GRAMD1C: variants seen among roughly 807,000 people sequenced by gnomAD.
GRAMD1C encodes the protein GRAM domain containing 1C.
A neutral mutation model predicts 97.8 loss-of-function variants in GRAMD1C; 89 were observed. That is an observed-to-expected ratio of 0.91 (90% CI 0.77 to 1.09). GRAMD1C has a LOEUF of 1.09. Among genes scored for constraint, GRAMD1C ranks in the 50% least tolerant of loss-of-function variants. The pLI, the probability that GRAMD1C is intolerant of heterozygous loss-of-function variation, is 0.00. For synonymous variants in GRAMD1C, 256 were observed against 267.0 expected, an observed-to-expected ratio of 0.96 and a Z score of 0.40; for missense variants, 740 against 766.4, an observed-to-expected ratio of 0.97 and a Z score of 0.41.
rs377521769 is a variant in GRAMD1C, at chr3:113,916,823, TAAG to T, written c.1090+991_1090+993del. On this transcript the variant is annotated intron_variant, in intron 10 of 17. Coordinates refer to ENST00000358160, the MANE Select transcript of GRAMD1C (RefSeq NM_017577.5). ...TTGGAAATTAATGGTTAAATCCTCA[TAAG>T]AAGAATTTCATTGATTATGTGTTAA... Among the ~76,000 whole-genome samples, 606 of 152,312 alleles carry T rather than the reference TAAG, an allele frequency of 4.0e-3. 14 individuals are homozygous for T. Among genetic ancestry groups the T allele is most frequent in the South Asian group, 0.034 (163 of 4,828 alleles).
At chr3:113,922,324 C>T (rs769055757) in intron 10 of GRAMD1C, among the ~76,000 whole-genome samples, 2 of 152,186 alleles carry the variant, frequency 1.3e-5, no homozygotes, top group African/African-American at 2.4e-5. Context: ...CTGCCTGCCT[C>T]AGCCTCCTAG....
intron 2 of GRAMD1C, among the ~76,000 whole-genome samples, chr3:113,854,626 C>T (rs1934046634): frequency 6.6e-6 from 1 of 152,036 alleles, no homozygotes; most frequent in Admixed American, 6.6e-5. Flanking sequence ...GACTGTTGTC[C>T]TAATCTTCCT....
At chr3:113,847,842 A>G (rs977153326) in intron 2 of GRAMD1C, among the ~76,000 whole-genome samples, 19 of 149,662 alleles carry the variant, frequency 1.3e-4, no homozygotes, top group African/African-American at 4.5e-4. Context: ...AAAATAAAAC[A>G]AAACACAAGG....
At chr3:113,883,313 C>G (rs1267543548) in intron 6 of GRAMD1C, among the ~76,000 whole-genome samples, 1 of 151,960 alleles carries the variant, frequency 6.6e-6, no homozygotes, top group Non-Finnish European at 1.5e-5. Flanking sequence ...TTGCTTGAGC[C>G]CAAGAGTTTG....
At chr3:113,936,468 T>G (rs541042851) in intron 14 of GRAMD1C, 26 bp downstream of exon 14, 1 of 1,483,040 alleles carries the variant, frequency 6.7e-7, no homozygotes, top group Non-Finnish European at 9.3e-7. Flanking sequence ...TAAACAGAGA[T>G]GAAAGATTTT....
Position 113,887,094 on chromosome 3 carries a change from T to TG in GRAMD1C, c.540+4262_540+4263insG, listed in dbSNP as rs1386927953. Among the ~76,000 whole-genome samples the TG allele has an allele frequency of 4.1e-3, 497 of 121,630 alleles. 3 individuals carry two copies. The highest frequency in any genetic ancestry group is 0.015 in the African/African-American group (480 of 31,624). The allele number at this position is 121,630 out of a possible 152,430, so 79.8% of individuals were successfully genotyped here. On this transcript the variant is annotated intron_variant, in intron 6 of 17. Coordinates refer to ENST00000358160, the MANE Select transcript of GRAMD1C (RefSeq NM_017577.5). ...TGCGCCTGGCCTTTTTGTTTTTTTT[T>TG]TGTTTTTTTTTTTTTTTGAGATAGA...
intron 10 of GRAMD1C, chr3:113,919,636 A>G (rs758714612): frequency 7.7e-6 from 5 of 645,352 alleles, no homozygotes; most frequent in Non-Finnish European, 1.1e-5. Flanking sequence ...TAGTGAGAAG[A>G]CTGACAGATT....
upstream of GRAMD1C, among the ~76,000 whole-genome samples, chr3:113,837,541 A>G (rs941205993): frequency 6.6e-6 from 1 of 152,164 alleles, no homozygotes; most frequent in African/African-American, 2.4e-5. Context: ...AGAAGGAGGA[A>G]CTTTCAGGTC....
rs188625830 is a variant in GRAMD1C at position 113,881,551 on chromosome 3, C to T, written c.460-1201C>T. On this transcript the variant is annotated intron_variant, in intron 5 of 17. Coordinates refer to ENST00000358160, the MANE Select transcript of GRAMD1C (RefSeq NM_017577.5). ...TATGTAGATTATCCAGAAAGCTGGG[C>T]GTTTTAAGGAGTTGGGAATGTGGTG... Among the ~76,000 whole-genome samples, 24 of 152,238 alleles carry T rather than the reference C, an allele frequency of 1.6e-4. 1 individual carries two copies. The highest frequency in any genetic ancestry group is 6.8e-3 in the Middle Eastern group (2 of 294).
At chr3:113,893,637 A>G (rs1176856142) in intron 6 of GRAMD1C, among the ~76,000 whole-genome samples, 2 of 152,228 alleles carry the variant, frequency 1.3e-5, no homozygotes, top group African/African-American at 4.8e-5. Flanking sequence ...TGACAAGTTC[A>G]GTCTTTACCA....
intron 1 of GRAMD1C, among the ~76,000 whole-genome samples, chr3:113,842,908 A>G (rs565175285): frequency 6.5e-4 from 99 of 151,774 alleles, no homozygotes; most frequent in African/African-American, 2.4e-3. Flanking sequence ...GGTTGCAGTG[A>G]GCCGAGATCA....
intron 6 of GRAMD1C, among the ~76,000 whole-genome samples, chr3:113,884,413 AAAC>A (rs1379230089): frequency 1.3e-5 from 2 of 152,238 alleles, no homozygotes; most frequent in African/African-American, 2.4e-5. Flanking sequence ...GGTTAGATGA[AAAC>A]AACAACAAAA....
chr3:113,882,565 G>T lies in GRAMD1C; in HGVS notation c.460-187G>T, dbSNP rs917390577. Among the ~76,000 whole-genome samples, 5 of 152,182 alleles carry T rather than the reference G, an allele frequency of 3.3e-5. 1 individual carries two copies. In the South Asian group the frequency reaches 1.0e-3, roughly 32 times the overall value. ...AAGATAAAATTAGTAAAGACACCTT[G>T]TTCATATAGCAACTACCCGTGTTTC... On this transcript the variant is annotated intron_variant, in intron 5 of 17. Transcript: ENST00000358160.
chr3:113,843,618 A>T (rs1226183350), intron 1 of GRAMD1C, among the ~76,000 whole-genome samples: 1 of 151,368 alleles, frequency 6.6e-6, no homozygotes, highest in Non-Finnish European at 1.5e-5. Flanking sequence ...AGCTGGGACT[A>T]CAGGCCACCA....
chr3:113,892,091 A>G (rs2107426862), intron 6 of GRAMD1C, among the ~76,000 whole-genome samples: 1 of 152,092 alleles, frequency 6.6e-6, no homozygotes, highest in East Asian at 1.9e-4. Flanking sequence ...TTTCCAGTAA[A>G]ATAAATCCAC....
intron 8 of GRAMD1C, among the ~76,000 whole-genome samples, chr3:113,908,117 T>C (rs1380442815): frequency 6.6e-6 from 1 of 152,192 alleles, no homozygotes; most frequent in African/African-American, 2.4e-5. Context: ...TTAGTGCTTC[T>C]CAAGGATCTC....
intron 17 of GRAMD1C, 44 bp downstream of exon 17, chr3:113,940,389 G>A (rs756192852): frequency 5.5e-5 from 56 of 1,019,220 alleles, no homozygotes; most frequent in Non-Finnish European, 8.5e-5. Flanking sequence ...CTTTGTCCCA[G>A]TATGAATTAG....
intron 17 of GRAMD1C, among the ~76,000 whole-genome samples, chr3:113,942,330 C>A (rs1937843153): frequency 6.6e-6 from 1 of 152,018 alleles, no homozygotes. Context: ...AAGATCTTCA[C>A]CCTCGTTTTA....
chr3:113,875,192 C>T (rs572707891), intron 3 of GRAMD1C, among the ~76,000 whole-genome samples: 85 of 152,162 alleles, frequency 5.6e-4, no homozygotes, highest in African/African-American at 1.9e-3. Context: ...CCTCCTCATA[C>T]CTGCCTATGC....
Sources: allele counts gnomAD v4.1 joint callset (sites outside exome capture counted in the v4.1 genomes callset), GRCh38; gene constraint gnomAD v4.1.1; transcripts MANE v1.5; gene names NCBI Gene and HGNC (gene_info 2026-07-23, HGNC 2026-07-21).